The following ARB2A variants were observed in gnomAD, a reference collection of about 807,000 sequenced individuals.
The protein encoded by ARB2A is cotranscriptional regulator ARB2A.
the ARB2A span, among the ~76,000 whole-genome samples, chr5:93,657,269 G>C: frequency 9.2e-5 from 14 of 152,118 alleles, no homozygotes; most frequent in African/African-American, 2.9e-4. Context: ...CATGAAGTGG[G>C]AAAACTGGGA....
the ARB2A span, among the ~76,000 whole-genome samples, chr5:93,825,265 T>C: frequency 1.3e-5 from 2 of 150,498 alleles, no homozygotes; most frequent in Admixed American, 1.3e-4. Flanking sequence ...TCAGCTATTG[T>C]TTCTGTTGTT....
At chr5:93,683,200 A>G in the ARB2A span, 50 of 1,325,842 alleles carry the variant, frequency 3.8e-5, no homozygotes, top group Non-Finnish European at 5.4e-5. Context: ...CATCATCTTC[A>G]TCATCATCCT....
the ARB2A span, among the ~76,000 whole-genome samples, chr5:93,717,689 G>C: frequency 6.6e-6 from 1 of 151,926 alleles, no homozygotes; most frequent in Non-Finnish European, 1.5e-5. Flanking sequence ...CATACTCAGA[G>C]AACTGCACTT....
chr5:93,876,705 TC>T, the ARB2A span, among the ~76,000 whole-genome samples: 1 of 151,976 alleles, frequency 6.6e-6, no homozygotes, highest in East Asian at 1.9e-4. Flanking sequence ...TAAAATAGTT[TC>T]AGAAATTAAA....
chr5:93,768,093 A>G, the ARB2A span, among the ~76,000 whole-genome samples: 1 of 151,556 alleles, frequency 6.6e-6, no homozygotes, highest in Non-Finnish European at 1.5e-5. Context: ...GAAGTAACTC[A>G]GGAATGGAAA....
At chr5:94,088,132 T>A in the ARB2A span, among the ~76,000 whole-genome samples, 5 of 152,198 alleles carry the variant, frequency 3.3e-5, no homozygotes, top group Admixed American at 3.3e-4. Context: ...TGAGTAAAAC[T>A]GATAGAAGCA....
chr5:93,948,693 G>A, the ARB2A span, among the ~76,000 whole-genome samples: 58 of 152,270 alleles, frequency 3.8e-4, no homozygotes, highest in Non-Finnish European at 6.6e-4. Context: ...TGTATAAGGT[G>A]TAAGGAACGG....
chr5:94,030,097 AC>A, the ARB2A span, among the ~76,000 whole-genome samples: 1 of 152,130 alleles, frequency 6.6e-6, no homozygotes, highest in Non-Finnish European at 1.5e-5. Flanking sequence ...TTTACCTCTC[AC>A]CGGGTCCCTC....
the ARB2A span, among the ~76,000 whole-genome samples, chr5:93,837,299 T>C: frequency 6.6e-6 from 1 of 152,184 alleles, no homozygotes; most frequent in African/African-American, 2.4e-5. Flanking sequence ...GATCTCATTC[T>C]TTTTCAATGG....
the ARB2A span, among the ~76,000 whole-genome samples, chr5:93,828,855 C>A: frequency 6.6e-6 from 1 of 152,166 alleles, no homozygotes; most frequent in Non-Finnish European, 1.5e-5. Context: ...TGGCTCACTG[C>A]AACCTCTGCT....
chr5:93,976,219 C>T, the ARB2A span, among the ~76,000 whole-genome samples: 6 of 152,172 alleles, frequency 3.9e-5, no homozygotes, highest in African/African-American at 1.4e-4. Flanking sequence ...AATCCAACAT[C>T]CTTCATGATA....
At chr5:93,680,109 G>C in the ARB2A span, among the ~76,000 whole-genome samples, 1 of 152,022 alleles carries the variant, frequency 6.6e-6, no homozygotes, top group Non-Finnish European at 1.5e-5. Flanking sequence ...TATTACATAA[G>C]CATACACATC....
At chr5:93,789,927 A>G in the ARB2A span, among the ~76,000 whole-genome samples, 1 of 152,196 alleles carries the variant, frequency 6.6e-6, no homozygotes, top group Non-Finnish European at 1.5e-5. Context: ...TGAAGACCAA[A>G]CTGCCCAGCA....
chr5:93,765,085 A>G, the ARB2A span, among the ~76,000 whole-genome samples: 1 of 152,228 alleles, frequency 6.6e-6, no homozygotes, highest in African/African-American at 2.4e-5. Context: ...CACAGCCAAT[A>G]TCATACTGAA....
the ARB2A span, among the ~76,000 whole-genome samples, chr5:93,994,996 C>T: frequency 1.3e-5 from 2 of 151,916 alleles, no homozygotes; most frequent in East Asian, 3.9e-4. Context: ...TCATTTACTA[C>T]CATAAAATAT....
chr5:93,899,602 C>T, the ARB2A span, among the ~76,000 whole-genome samples: 6 of 151,982 alleles, frequency 3.9e-5, no homozygotes, highest in Non-Finnish European at 8.8e-5. Flanking sequence ...CAGGAGTCTC[C>T]CGATCAACTT....
the ARB2A span, among the ~76,000 whole-genome samples, chr5:93,783,812 G>A: frequency 1.2e-3 from 187 of 152,256 alleles, no homozygotes; most frequent in Non-Finnish European, 1.3e-3. Flanking sequence ...AGGTTCACCA[G>A]CCCTTAGGAA....
chr5:93,683,753 G>A, the ARB2A span: 17 of 1,585,910 alleles, frequency 1.1e-5, no homozygotes, highest in South Asian at 1.1e-4. Context: ...GAGAGAAGGC[G>A]GACGGAGATA....
the ARB2A span, among the ~76,000 whole-genome samples, chr5:93,704,871 C>A: frequency 5.3e-5 from 8 of 152,192 alleles, no homozygotes; most frequent in Non-Finnish European, 8.8e-5. Context: ...CTAATTGTAT[C>A]TAATCTACCA....
Sources: gnomAD v4.1 joint callset for allele counts (sites outside exome capture counted in the v4.1 genomes callset) on GRCh38, gnomAD v4.1.1 for gene constraint, MANE v1.5 for transcripts, NCBI Gene and HGNC (gene_info 2026-07-23, HGNC 2026-07-21) for gene names.